The following CADM2 variants were observed in gnomAD, a reference collection of about 807,000 sequenced individuals.
CADM2 encodes the protein cell adhesion molecule 2.
Under a neutral mutation model 49.8 loss-of-function variants are expected in CADM2, and 12 were observed. The observed-to-expected ratio is 0.24, with a 90% CI of 0.15 to 0.39. The LOEUF (loss-of-function observed/expected upper bound fraction) is 0.39, where lower values mean the gene tolerates loss of function less well. Ranked by LOEUF, CADM2 falls within the 10% of genes least tolerant of loss-of-function variation. The probability of loss-of-function intolerance (pLI) is 1.00; values close to 1 mark genes in which losing one functional copy is unlikely to be tolerated. For synonymous variants in CADM2, 214 were observed against 175.4 expected (o/e 1.22, Z -1.74); for missense variants, 378 against 492.3 (o/e 0.77, Z 2.20).
intron 8 of CADM2, among the ~76,000 whole-genome samples, chr3:86,027,502 A>C (rs1425803796): frequency 6.6e-6 from 1 of 152,156 alleles, no homozygotes; most frequent in South Asian, 2.1e-4. Flanking sequence ...TTAGATCAGC[A>C]TTGTCATAGA....
chr3:85,884,261 C>T (rs567631955), intron 4 of CADM2, among the ~76,000 whole-genome samples: 6 of 152,274 alleles, frequency 3.9e-5, no homozygotes, highest in African/African-American at 1.2e-4. Flanking sequence ...CCCAAGCTTG[C>T]TGCCCTCTTT....
intron 8 of CADM2, among the ~76,000 whole-genome samples, chr3:85,965,470 C>T (rs1725363237): frequency 1.3e-5 from 2 of 151,232 alleles, no homozygotes; most frequent in South Asian, 2.1e-4. Flanking sequence ...AATCAAACTC[C>T]AAGGGTCTGG....
intron 1 of CADM2, among the ~76,000 whole-genome samples, chr3:85,230,540 T>A (rs942431643): frequency 6.6e-6 from 1 of 152,184 alleles, no homozygotes; most frequent in African/African-American, 2.4e-5. Context: ...TCAAATTAGG[T>A]CATTATCCAG....
intron 8 of CADM2, among the ~76,000 whole-genome samples, chr3:85,974,699 G>C (rs1037789596): frequency 1.6e-4 from 24 of 151,576 alleles, no homozygotes; most frequent in African/African-American, 5.6e-4. Flanking sequence ...TCTTATAGAA[G>C]TACTCAGATT....
intron 8 of CADM2, among the ~76,000 whole-genome samples, chr3:86,006,317 T>A (rs757844934): frequency 6.6e-6 from 1 of 152,182 alleles, no homozygotes; most frequent in Non-Finnish European, 1.5e-5. Flanking sequence ...CAGAAAGGTG[T>A]CATCCTTGAT....
chr3:85,734,322 TAGG>T (rs1287138361), intron 2 of CADM2, among the ~76,000 whole-genome samples: 3 of 151,892 alleles, frequency 2.0e-5, no homozygotes, highest in African/African-American at 7.3e-5. Context: ...AATGCCCAAA[TAGG>T]AGAAGTCATG....
Position 85,724,341 on chromosome 3 carries a change from A to G in CADM2, c.62-2181A>G, listed in dbSNP as rs537988723. ...TTCCATTTTCAATATTTAAGTCTTC[A>G]TCTTTATCCAGGATTTTCTGAGTAG... On this transcript the variant is annotated intron_variant, in intron 1 of 9. Coordinates refer to ENST00000383699, the MANE Select transcript of CADM2 (RefSeq NM_001167675.2). Among the ~76,000 whole-genome samples, 69 of 151,988 alleles carry G rather than the reference A, an allele frequency of 4.5e-4. 1 individual carries two copies. Among genetic ancestry groups the G allele is most frequent in the African/African-American group, 1.6e-3 (67 of 41,514 alleles).
chr3:85,155,876 T>A (rs943959768), intron 1 of CADM2, among the ~76,000 whole-genome samples: 38 of 152,266 alleles, frequency 2.5e-4, no homozygotes, highest in Middle Eastern at 3.4e-3. Flanking sequence ...GAAATAAAGA[T>A]GTTCTTTGAA....
At chr3:85,065,019 A>G (rs2036474059) in intron 1 of CADM2, among the ~76,000 whole-genome samples, 1 of 152,156 alleles carries the variant, frequency 6.6e-6, no homozygotes, top group Non-Finnish European at 1.5e-5. Context: ...TATCTTTATT[A>G]CCATATAGAT....
At chr3:85,586,957 C>T (rs1174854420) in intron 1 of CADM2, among the ~76,000 whole-genome samples, 1 of 151,988 alleles carries the variant, frequency 6.6e-6, no homozygotes, top group East Asian at 1.9e-4. Context: ...GCATGCTTGC[C>T]ACATGGAGAT....
At chr3:85,779,636 A>G (rs1444558221) in intron 2 of CADM2, among the ~76,000 whole-genome samples, 1 of 151,996 alleles carries the variant, frequency 6.6e-6, no homozygotes, top group East Asian at 1.9e-4. Context: ...TGATTAAACT[A>G]CCTCCCACCA....
At chr3:85,012,286 G>T (rs1402696608) in intron 1 of CADM2, among the ~76,000 whole-genome samples, 1 of 150,322 alleles carries the variant, frequency 6.7e-6, no homozygotes, top group Non-Finnish European at 1.5e-5. Context: ...TTTCCAGGTT[G>T]CTCATCCTAT....
At chr3:85,015,796 A>G (rs1411017897) in intron 1 of CADM2, among the ~76,000 whole-genome samples, 2 of 152,186 alleles carry the variant, frequency 1.3e-5, no homozygotes, top group Non-Finnish European at 2.9e-5. Flanking sequence ...GTCTTAAAGG[A>G]TGATTAAGGT....
intron 1 of CADM2, among the ~76,000 whole-genome samples, chr3:85,455,932 A>G (rs1253705005): frequency 6.6e-6 from 1 of 152,190 alleles, no homozygotes; most frequent in Non-Finnish European, 1.5e-5. Flanking sequence ...AATTACCCAA[A>G]ATAACACAAA....
At chr3:85,754,487 G>T (rs1484301007) in intron 2 of CADM2, among the ~76,000 whole-genome samples, 1 of 152,068 alleles carries the variant, frequency 6.6e-6, no homozygotes, top group Non-Finnish European at 1.5e-5. Flanking sequence ...GCCTAGAAAG[G>T]TATTTGAGTA....
chr3:85,616,142 A>G (rs960772152), intron 1 of CADM2, among the ~76,000 whole-genome samples: 1 of 151,944 alleles, frequency 6.6e-6, no homozygotes, highest in African/African-American at 2.4e-5. Flanking sequence ...TTTTAAAAAA[A>G]TGAAAAAATG....
chr3:85,330,632 C>A (rs1356586640), intron 1 of CADM2, among the ~76,000 whole-genome samples: 2 of 151,868 alleles, frequency 1.3e-5, no homozygotes, highest in Non-Finnish European at 2.9e-5. Flanking sequence ...TAAATCCACC[C>A]TAACTTATTA....
chr3:84,971,854 C>T (rs551206457), intron 1 of CADM2, among the ~76,000 whole-genome samples: 1 of 152,046 alleles, frequency 6.6e-6, no homozygotes, highest in African/African-American at 2.4e-5. Context: ...TTCTCATCAC[C>T]TAGCCATACC....
At chr3:85,509,252 G>A (rs2040500618) in intron 1 of CADM2, among the ~76,000 whole-genome samples, 3 of 152,106 alleles carry the variant, frequency 2.0e-5, no homozygotes, top group Admixed American at 6.5e-5. Flanking sequence ...GAAGAGGGTG[G>A]TGGCAGTTAT....
Sources: allele counts gnomAD v4.1 joint callset (sites outside exome capture counted in the v4.1 genomes callset), GRCh38; gene constraint gnomAD v4.1.1; transcripts MANE v1.5; gene names NCBI Gene and HGNC (gene_info 2026-07-23, HGNC 2026-07-21).